Variants in RABL6 observed in about 807,000 individuals in gnomAD.
RABL6 encodes the protein RAB, member RAS oncogene family like 6, also known as rab-like protein 6.
RABL6 carries 28 observed loss-of-function variants against 72.9 expected under a neutral mutation model. The observed-to-expected ratio is 0.38, with a 90% CI of 0.28 to 0.53. The LOEUF is 0.53. RABL6 is among the 20% of genes least tolerant of loss of function. The pLI, the probability that RABL6 is intolerant of heterozygous loss-of-function variation, is 0.80. For synonymous variants in RABL6, 477 were observed against 421.2 expected, an observed-to-expected ratio of 1.13 and a Z score of -1.62; for missense variants, 1,029 against 1,008.4, an observed-to-expected ratio of 1.02 and a Z score of -0.28.
In RABL6 at chr9:136,831,877, C is replaced by G; in HGVS notation, c.599+16C>G. On this transcript the variant is annotated intron_variant, in intron 6 of 14. Coordinates refer to ENST00000311502, the MANE Select transcript of RABL6 (RefSeq NM_024718.5). Reference sequence around the variant, plus strand: ...ACCTGGACAGGTGGGTGCGGTGGCCCTGCTCCCGAGGGACCCTGCCCGGTG... The same window carrying G: ...ACCTGGACAGGTGGGTGCGGTGGCCGTGCTCCCGAGGGACCCTGCCCGGTG... 1.2e-6 allele frequency: 2 copies of G among 1,600,770 alleles called. No individual in the cohort carries two copies. The highest frequency in any genetic ancestry group is 1.1e-5 in the South Asian group (1 of 89,990).
intron 14 of RABL6, 41 bp from the exon 15 acceptor site, chr9:136,840,281 C>G (rs749094819): frequency 6.2e-7 from 1 of 1,610,072 alleles, no homozygotes; most frequent in African/African-American, 1.3e-5. Context: ...AGGGCTGTGG[C>G]TTCCTGTGAC....
intron 7 of RABL6, chr9:136,833,401 G>T: frequency 2.6e-6 from 1 of 387,594 alleles, no homozygotes; most frequent in Non-Finnish European, 4.8e-6. Context: ...TGCCCCGCCT[G>T]GGTCTGGGGG....
At chr9:136,823,919 G>A (rs1263071223) in intron 2 of RABL6, among the ~76,000 whole-genome samples, 3 of 152,240 alleles carry the variant, frequency 2.0e-5, no homozygotes, top group African/African-American at 4.8e-5. Context: ...GAGTGGGCAC[G>A]CGGGCGCCTC....
intron 2 of RABL6, among the ~76,000 whole-genome samples, chr9:136,825,521 G>C (rs1848336805): frequency 6.6e-6 from 1 of 152,174 alleles, no homozygotes; most frequent in African/African-American, 2.4e-5. Flanking sequence ...GCCCGGGAGG[G>C]AGGGGCCGTG....
chr9:136,840,401 G>A lies in RABL6; in HGVS notation c.2069G>A (p.Arg690Gln), dbSNP rs376411410. 143 of 1,551,144 alleles carry A rather than the reference G, an allele frequency of 9.2e-5. No homozygotes were observed. The highest frequency in any genetic ancestry group is 1.7e-4 in the East Asian group (7 of 40,908). The change falls in exon 15 of 15, where the codon CGG (arginine) becomes CAG (glutamine). Residue 690 changes from arginine to glutamine, a missense_variant. Transcript: ENST00000311502. ...GAGGAGGGCAAGGAGGAGCGGCGAC[G>A]GCGGCAGCAGCGGCCCCCGCGCAGC... is the stretch of plus-strand genomic sequence containing the variant. Reference protein sequence around the residue: ...DKEEGKEERRRRQQRPPRSRE... With the variant: ...DKEEGKEERRQRQQRPPRSRE...
intron 1 of RABL6, chr9:136,809,474 A>G (rs1847955850): frequency 1.3e-5 from 4 of 302,498 alleles, no homozygotes; most frequent in Admixed American, 7.7e-5. Context: ...CTGAGCATCT[A>G]GGTATGAAAG....
At chr9:136,838,681 C>T (rs1302725954) in intron 10 of RABL6, among the ~76,000 whole-genome samples, 1 of 152,246 alleles carries the variant, frequency 6.6e-6, no homozygotes, top group South Asian at 2.1e-4. Flanking sequence ...CATCCTTCAC[C>T]CACTGAGCGG....
At chr9:136,816,040 A>G (rs145339165) in intron 1 of RABL6, among the ~76,000 whole-genome samples, 177 of 151,742 alleles carry the variant, frequency 1.2e-3, no homozygotes, top group African/African-American at 4.3e-3. Context: ...AACATTTAAG[A>G]TTCTGAAGTT....
At chr9:136,831,965 G>A in intron 6 of RABL6, 104 bp downstream of exon 6, 2 of 1,439,318 alleles carry the variant, frequency 1.4e-6, no homozygotes, top group South Asian at 2.8e-5. Flanking sequence ...TTAGCATGGG[G>A]CCCGGCGGAT....
intron 1 of RABL6, among the ~76,000 whole-genome samples, chr9:136,819,575 A>G (rs2784092): frequency 0.73 from 111,288 of 152,090 alleles, 41,295 homozygotes; most frequent in Non-Finnish European, 0.79. Flanking sequence ...GTTGAAAGTT[A>G]GGAGTTGGAA....
In RABL6 at chr9:136,832,415, C is replaced by T. The variant is rs1193149240; in HGVS notation, c.705+45C>T. The T allele has an allele frequency of 2.1e-6, 3 of 1,457,360 alleles. 1 individual carries two copies. Among genetic ancestry groups the T allele is most frequent in the Non-Finnish European group, 2.9e-6 (3 of 1,037,770 alleles). 90.3% of individuals were successfully genotyped at this position (1,457,360 alleles called of 1,614,324 possible). ...GGTGGAGTGGCTGCTGGTCTCTCAC[C>T]TCCTTCCAGGTGTCTCCTGTGTAGC... On this transcript the variant is annotated intron_variant, in intron 7 of 14. Coordinates refer to ENST00000311502, the MANE Select transcript of RABL6 (RefSeq NM_024718.5).
chr9:136,823,486 C>T lies in RABL6; in HGVS notation c.131-39C>T, dbSNP rs748842936. On this transcript the variant is annotated intron_variant, in intron 1 of 14. Coordinates refer to ENST00000311502, the MANE Select transcript of RABL6 (RefSeq NM_024718.5). ...TTAAAGCTGCAGCTTGGGTTCGGTT[C>T]GTTTAATTTGCCTTTTCTTTTTCTC... The T allele has an allele frequency of 1.1e-5, 18 of 1,610,286 alleles. No individual in the cohort carries two copies. The African/African-American group carries it at 1.3e-4, about 12-fold the overall frequency.
chr9:136,810,441 A>T (rs973403703), intron 1 of RABL6, among the ~76,000 whole-genome samples: 17 of 152,374 alleles, frequency 1.1e-4, no homozygotes, highest in African/African-American at 4.1e-4. Flanking sequence ...CCTAAATTAC[A>T]TTTTAGAAAG....
chr9:136,837,102 C>T (rs745793480), intron 8 of RABL6: 1 of 651,682 alleles, frequency 1.5e-6, no homozygotes, highest in Non-Finnish European at 2.8e-6. Context: ...GTCTCCACCT[C>T]CTGACCTCGT....
intron 1 of RABL6, among the ~76,000 whole-genome samples, chr9:136,811,682 A>G (rs980370814): frequency 1.3e-5 from 2 of 151,856 alleles, no homozygotes; most frequent in African/African-American, 4.8e-5. Context: ...TTAGAGAGAC[A>G]GGGTTTCACC....
At position 136,839,326 on chromosome 9, in the gene RABL6, G is replaced by T; in HGVS notation, c.1598G>T (p.Arg533Leu). Residue 533 changes from arginine (R) to leucine (L), a missense_variant, in exon 12 of 15, where the codon CGC (arginine) becomes CTC (leucine). By Grantham distance (102) the Arg-to-Leu change is moderately radical. This residue lies in a region of RABL6 where 595 missense variants were observed against 472.4 expected (regional missense o/e 1.26). Coordinates refer to ENST00000311502, the MANE Select transcript of RABL6 (RefSeq NM_024718.5). ...TCTGTTCGCACAGGTCCGGAGAAGC[G>T]CAGCAGCACCAGGCCCCCTGCTGAG... The part of the protein sequence containing the change: ...GVSVRTGPEK[R>L]SSTRPPAEME... 4 of 1,612,498 alleles carry T rather than the reference G, an allele frequency of 2.5e-6. No homozygotes were observed. The highest frequency in any genetic ancestry group is 3.4e-6 in the Non-Finnish European group (4 of 1,179,760).
At position 136,807,990 on chromosome 9, in the gene RABL6, C is replaced by T; in HGVS notation, c.-207C>T. The T allele has an allele frequency of 2.0e-6, 2 of 1,010,768 alleles. No homozygotes were observed. Among genetic ancestry groups the T allele is most frequent in the Non-Finnish European group, 1.2e-6 (1 of 848,210 alleles). The allele number at this position is 1,010,768 out of a possible 1,614,324, so 62.6% of individuals were successfully genotyped here. ...CCTGGAGAGCGGTCGCGCCGGAGGC[C>T]GCGGGGGCCGGAGCGGAGCAGCCGC... On this transcript the variant is annotated 5_prime_UTR_variant, in exon 1 of 15. Transcript: ENST00000311502.
intron 8 of RABL6, 180 bp downstream of exon 8, chr9:136,836,025 C>CA: frequency 1.7e-6 from 1 of 602,822 alleles, no homozygotes; most frequent in Non-Finnish European, 2.9e-6. Flanking sequence ...GCAGCCCCCC[C>CA]ACAGTCACCC....
intron 7 of RABL6, 84 bp from the exon 8 acceptor site, chr9:136,835,658 C>T (rs1848571337): frequency 1.6e-6 from 2 of 1,256,172 alleles, no homozygotes; most frequent in Non-Finnish European, 2.2e-6. Flanking sequence ...CAGGAGGCGT[C>T]CCCTGTGCAT....
Sources: gnomAD v4.1 joint callset for allele counts (sites outside exome capture counted in the v4.1 genomes callset) on GRCh38, gnomAD v4.1.1 for gene constraint, gnomAD v4.1.1 regional missense constraint, MANE v1.5 for transcripts, NCBI Gene and HGNC (gene_info 2026-07-23, HGNC 2026-07-21) for gene names.